Variants in KCNH8 observed in about 807,000 individuals in gnomAD.
KCNH8 encodes voltage-gated delayed rectifier potassium channel KCNH8.
In KCNH8, 70 loss-of-function variants were observed where a neutral mutation model predicts 103.6. The ratio of observed to expected loss-of-function variants is 0.68; its 90% CI spans 0.56 to 0.82. KCNH8 has a LOEUF of 0.82. Ranked by LOEUF, KCNH8 falls within the 40% of genes least tolerant of loss-of-function variation. The pLI, the probability that KCNH8 is intolerant of heterozygous loss-of-function variation, is 0.00. For missense variants in KCNH8, 1,217 were observed against 1,329.9 expected (o/e 0.92, Z 1.32); for synonymous variants, 498 against 489.4 (o/e 1.02, Z -0.23).
chr3:19,302,516 T>G (rs1275679523), intron 3 of KCNH8, among the ~76,000 whole-genome samples: 2 of 152,212 alleles, frequency 1.3e-5, no homozygotes, highest in African/African-American at 4.8e-5. Flanking sequence ...CTTGACTTCT[T>G]TGTGAAGAAA....
rs181918022 is a variant in KCNH8, at chr3:19,296,135, T to C, written c.442+14806T>C. ...GGGGAACAATTTAACTCATGGACAA[T>C]ATAGAAGTTTCAAAGGCAAATGTCT... On this transcript the variant is annotated intron_variant, in intron 3 of 15. Coordinates refer to ENST00000328405, the MANE Select transcript of KCNH8 (RefSeq NM_144633.3). Among the ~76,000 whole-genome samples the C allele has an allele frequency of 4.6e-5, 7 of 152,312 alleles. No homozygotes were observed. The East Asian group carries it at 1.4e-3, about 29-fold the overall frequency.
At chr3:19,204,561 G>A (rs1256512813) in intron 1 of KCNH8, among the ~76,000 whole-genome samples, 2 of 151,860 alleles carry the variant, frequency 1.3e-5, no homozygotes. Flanking sequence ...TTTTTAAAAA[G>A]CATGTAACAA....
chr3:19,390,279 G>A (rs906514299), intron 5 of KCNH8, among the ~76,000 whole-genome samples: 2 of 151,890 alleles, frequency 1.3e-5, no homozygotes, highest in African/African-American at 4.8e-5. Context: ...AGAATATTTT[G>A]GATATTATCA....
intron 4 of KCNH8, among the ~76,000 whole-genome samples, chr3:19,346,234 A>G (rs1289326454): frequency 6.6e-6 from 1 of 152,056 alleles, no homozygotes; most frequent in Non-Finnish European, 1.5e-5. Flanking sequence ...CCCTCTTCCA[A>G]TGTAACAGCC....
intron 3 of KCNH8, among the ~76,000 whole-genome samples, chr3:19,308,745 C>T (rs1482827955): frequency 4.7e-4 from 17 of 35,910 alleles, no homozygotes; most frequent in Non-Finnish European, 5.3e-4. Context: ...TCCCTCTCTC[C>T]CTCTCTCCCT....
rs188308106 is a variant in KCNH8 at position 19,196,508 on chromosome 3, C to T, written c.76+47713C>T. The stretch of plus-strand genomic sequence containing the variant: ...CATTGGAAACCTAGATTTCCTTTAG[C>T]ACATCCTTCCTGGTTATGTTTATAT... On this transcript the variant is annotated intron_variant, in intron 1 of 15. Coordinates refer to ENST00000328405, the MANE Select transcript of KCNH8 (RefSeq NM_144633.3). Among the ~76,000 whole-genome samples, 160 of 151,622 alleles carry T rather than the reference C, an allele frequency of 1.1e-3. 1 individual carries two copies. The highest frequency in any genetic ancestry group is 2.1e-4 in the Non-Finnish European group (14 of 67,880).
chr3:19,520,550 T>C (rs2068954684), intron 15 of KCNH8, among the ~76,000 whole-genome samples: 1 of 150,782 alleles, frequency 6.6e-6, no homozygotes, highest in Non-Finnish European at 1.5e-5. Context: ...GTAAAGAGTT[T>C]ATATAGAAAA....
chr3:19,275,070 ATC>A (rs2064648597), intron 2 of KCNH8, among the ~76,000 whole-genome samples: 2 of 151,168 alleles, frequency 1.3e-5, no homozygotes, highest in Non-Finnish European at 2.9e-5. Context: ...AACTCTTTAC[ATC>A]TCTACCTCAA....
intron 5 of KCNH8, among the ~76,000 whole-genome samples, chr3:19,366,941 G>A (rs2066019720): frequency 6.6e-6 from 1 of 152,032 alleles, no homozygotes; most frequent in Non-Finnish European, 1.5e-5. Flanking sequence ...TGTAGTCAAT[G>A]TATTAAATAT....
chr3:19,394,162 A>G (rs1395379005), intron 6 of KCNH8, among the ~76,000 whole-genome samples: 1 of 152,068 alleles, frequency 6.6e-6, no homozygotes, highest in Non-Finnish European at 1.5e-5. Context: ...CTTTCCCCAA[A>G]GAAATTAAAG....
intron 1 of KCNH8, among the ~76,000 whole-genome samples, chr3:19,191,397 G>A (rs1030054237): frequency 4.0e-5 from 6 of 151,686 alleles, no homozygotes; most frequent in African/African-American, 4.8e-5. Flanking sequence ...TTATGATTTC[G>A]ATATATCTGA....
At position 19,451,182 on chromosome 3, in the gene KCNH8, C is replaced by T. The variant is rs1559333646; in HGVS notation, c.1603C>T (p.Arg535Cys). Residue 535 changes from arginine (R) to cysteine (C), a missense_variant, in exon 10 of 16, where the codon CGT becomes TGT. Arg to Cys is a radical substitution (Grantham distance 180). Coordinates refer to ENST00000328405, the MANE Select transcript of KCNH8 (RefSeq NM_144633.3). ...TTTGAAAGACTTTCCAGATGAACTG[C>T]GTTCTGACATCACTATGCACTTGAA... ...ELLKDFPDEL[R>C]SDITMHLNKE... The T allele has an allele frequency of 3.7e-6, 6 of 1,613,670 alleles. No homozygotes were observed. The highest frequency in any genetic ancestry group is 5.1e-6 in the Non-Finnish European group (6 of 1,179,632).
intron 1 of KCNH8, among the ~76,000 whole-genome samples, chr3:19,194,889 G>T (rs2063586277): frequency 6.6e-6 from 1 of 151,862 alleles, no homozygotes; most frequent in Non-Finnish European, 1.5e-5. Flanking sequence ...ATATGAGTTG[G>T]TTTAGGTCAA....
At chr3:19,365,836 C>T (rs996083699) in intron 5 of KCNH8, among the ~76,000 whole-genome samples, 1 of 151,930 alleles carries the variant, frequency 6.6e-6, no homozygotes, top group African/African-American at 2.4e-5. Context: ...AATCAGTGGC[C>T]ACGCAAAGTA....
chr3:19,355,732 G>A (rs555554793), intron 5 of KCNH8, among the ~76,000 whole-genome samples: 17 of 152,114 alleles, frequency 1.1e-4, no homozygotes, highest in East Asian at 5.8e-4. Context: ...AGGGCCTGTC[G>A]TGCAGTGGGG....
intron 1 of KCNH8, among the ~76,000 whole-genome samples, chr3:19,207,575 A>G: frequency 6.6e-6 from 1 of 152,032 alleles, no homozygotes; most frequent in Non-Finnish European, 1.5e-5. Flanking sequence ...TTCTTTGATC[A>G]CTTTATGATA....
intron 1 of KCNH8, among the ~76,000 whole-genome samples, chr3:19,252,972 A>G (rs2064298265): frequency 6.6e-6 from 1 of 152,106 alleles, no homozygotes; most frequent in Admixed American, 6.5e-5. Context: ...CAGAAGTGTC[A>G]ACATATTGAC....
intron 11 of KCNH8, among the ~76,000 whole-genome samples, chr3:19,497,752 A>G (rs74616384): frequency 0.14 from 20,868 of 152,056 alleles, 1,965 homozygotes; most frequent in East Asian, 0.34. Flanking sequence ...TACTTGACAG[A>G]TCCATTTATT....
chr3:19,365,196 A>G (rs975269740), intron 5 of KCNH8, among the ~76,000 whole-genome samples: 8 of 152,100 alleles, frequency 5.3e-5, no homozygotes, highest in African/African-American at 1.9e-4. Flanking sequence ...TTGTGATTTA[A>G]TGTTCCTCTG....
Sources: allele counts gnomAD v4.1 joint callset (sites outside exome capture counted in the v4.1 genomes callset), GRCh38; gene constraint gnomAD v4.1.1; transcripts MANE v1.5; gene names NCBI Gene and HGNC (gene_info 2026-07-23, HGNC 2026-07-21).